Variants in ERC1 observed in about 807,000 individuals in gnomAD.
The protein encoded by ERC1 is RAB6 interacting protein 2.
In ERC1, 56 loss-of-function variants were observed where a neutral mutation model predicts 132.0. That is an observed-to-expected ratio of 0.42 (90% CI 0.34 to 0.53). ERC1 has a LOEUF of 0.53. ERC1 is among the 20% of genes least tolerant of loss of function. ERC1 has a pLI of 0.03. For missense variants in ERC1, 1,202 were observed against 1,349.9 expected (o/e 0.89, Z 1.72); for synonymous variants, 478 against 476.1 (o/e 1.00, Z -0.05).
In ERC1 at chr12:1,492,337, T is replaced by C. The variant is rs1025266751; in HGVS notation, c.*2107T>C. The C allele has an allele frequency of 4.7e-5, 11 of 233,082 alleles. No individual in the cohort carries two copies. The highest frequency in any genetic ancestry group is 8.5e-5 in the Non-Finnish European group (10 of 118,014). 14.4% of individuals were successfully genotyped at this position (233,082 alleles called of 1,614,324 possible). A position where few individuals can be genotyped will look rare whatever the true frequency, so the allele number is the denominator to read the frequency against. ...TCCCAGCACTGAAAGGCAGGAGTGT[T>C]AGCATCTCGCTTTATCCACCATAAC... On this transcript the variant is annotated 3_prime_UTR_variant, in exon 19 of 19. Coordinates refer to ENST00000360905, the MANE Select transcript of ERC1 (RefSeq NM_178040.4).
At chr12:1,162,487 G>GTT (rs60402999) in intron 8 of ERC1, among the ~76,000 whole-genome samples, 22 of 142,036 alleles carry the variant, frequency 1.5e-4, no homozygotes, top group East Asian at 1.0e-3. Context: ...TCCTAGGTTT[G>GTT]TTTTTTTTTT....
At chr12:1,461,063 G>A (rs561504401) in intron 18 of ERC1, among the ~76,000 whole-genome samples, 1 of 139,578 alleles carries the variant, frequency 7.2e-6, no homozygotes, top group South Asian at 2.3e-4. Context: ...ATAGGGAACA[G>A]CTGTCTGACT....
chr12:1,204,343 T>C (rs1957169414), intron 12 of ERC1, among the ~76,000 whole-genome samples: 1 of 152,010 alleles, frequency 6.6e-6, no homozygotes. Context: ...AAATCTGAAA[T>C]AATTCTTTTT....
intron 1 of ERC1, among the ~76,000 whole-genome samples, chr12:992,230 T>A (rs1270847801): frequency 6.6e-6 from 1 of 152,138 alleles, no homozygotes; most frequent in African/African-American, 2.4e-5. Flanking sequence ...TCCTGGCCCC[T>A]TGAGAGAAGG....
intron 1 of ERC1, among the ~76,000 whole-genome samples, chr12:999,142 G>A (rs1961613277): frequency 6.6e-6 from 1 of 152,174 alleles, no homozygotes. Context: ...TTATAGGCGT[G>A]AGCCACCGTG....
At chr12:1,295,913 A>T (rs1479676440) in intron 15 of ERC1, among the ~76,000 whole-genome samples, 1 of 151,946 alleles carries the variant, frequency 6.6e-6, no homozygotes, top group Non-Finnish European at 1.5e-5. Context: ...TGAACTTTTA[A>T]TTACCAGACA....
intron 12 of ERC1, among the ~76,000 whole-genome samples, chr12:1,203,349 C>T (rs1007929192): frequency 1.3e-5 from 2 of 152,186 alleles, no homozygotes; most frequent in Admixed American, 6.5e-5. Flanking sequence ...TGAGCCACTG[C>T]GCCTGCCCGG....
At chr12:1,288,016 C>CA (rs1236761586) in intron 14 of ERC1, among the ~76,000 whole-genome samples, 3 of 152,052 alleles carry the variant, frequency 2.0e-5, no homozygotes, top group East Asian at 1.9e-4. Context: ...CCAGAATAGC[C>CA]AAAAACATCT....
rs117827884 is a variant in ERC1 at position 1,328,139 on chromosome 12, G to C, written c.2780+38127G>C. 3.3e-5 allele frequency among the ~76,000 whole-genome samples: 5 copies of C among 151,968 alleles called. 1 individual carries two copies. The East Asian group carries it at 9.7e-4, about 29-fold the overall frequency. ...CAGGTTAATACTTGGTTGTTTGTTT[G>C]TGTTTGTTTGTTTGTTTTTCCTTTG... On this transcript the variant is annotated intron_variant, in intron 15 of 18. Transcript: ENST00000360905.
rs917507190 is a variant in ERC1 at position 1,154,713 on chromosome 12, G to GA, written c.1737+12935dup. On this transcript the variant is annotated intron_variant, in intron 8 of 18. Transcript: ENST00000360905. ...GTCTACAAGGAACTTAAATCAACAAGAAAAAAAAATAATCCCATAAAAAAT... is the reference window on the plus strand; with the variant it reads ...GTCTACAAGGAACTTAAATCAACAAGAAAAAAAAAATAATCCCATAAAAAAT... 1.5e-4 allele frequency among the ~76,000 whole-genome samples: 22 copies of GA among 148,394 alleles called. No homozygotes were observed. In the South Asian group the frequency reaches 2.3e-3, roughly 16 times the overall value.
chr12:1,126,986 CAAAAAAAAAAAA>C (rs71055135), intron 7 of ERC1, among the ~76,000 whole-genome samples: 1,313 of 114,146 alleles, frequency 0.012, 33 homozygotes, highest in Admixed American at 0.017. Context: ...GATTCTGTCT[CAAAAAAAAAAAA>C]AAAAAAAAAA....
intron 17 of ERC1, among the ~76,000 whole-genome samples, chr12:1,419,734 A>T (rs2092346576): frequency 6.6e-6 from 1 of 152,090 alleles, no homozygotes; most frequent in South Asian, 2.1e-4. Context: ...GTTGCACAAC[A>T]GTGTGAAAGT....
At chr12:1,376,865 G>A (rs969764702) in intron 16 of ERC1, among the ~76,000 whole-genome samples, 12 of 152,110 alleles carry the variant, frequency 7.9e-5, no homozygotes, top group Non-Finnish European at 1.6e-4. Context: ...AAAAAGAAAC[G>A]GTGCGATTTG....
intron 18 of ERC1, among the ~76,000 whole-genome samples, chr12:1,486,412 TTTTAC>T (rs1245151692): frequency 6.1e-4 from 27 of 44,482 alleles, no homozygotes; most frequent in African/African-American, 1.1e-3. Flanking sequence ...GTGAAGCACT[TTTTAC>T]TTTATTTTAT....
At chr12:1,038,248 G>A (rs1012446751) in intron 2 of ERC1, among the ~76,000 whole-genome samples, 1 of 151,926 alleles carries the variant, frequency 6.6e-6, no homozygotes, top group South Asian at 2.1e-4. Context: ...AAACATTTAG[G>A]GAGTTTACCC....
chr12:1,102,533 G>A (rs1944784836), intron 3 of ERC1, among the ~76,000 whole-genome samples: 1 of 152,020 alleles, frequency 6.6e-6, no homozygotes, highest in African/African-American at 2.4e-5. Flanking sequence ...GAGTAGGAAG[G>A]GACTAAAATA....
chr12:1,224,486 T>C lies in ERC1; in HGVS notation c.2352-12283T>C, dbSNP rs1243433580. Among the ~76,000 whole-genome samples, 3 of 151,712 alleles carry C rather than the reference T, an allele frequency of 2.0e-5. No individual in the cohort carries two copies. In the East Asian group the frequency reaches 5.8e-4, roughly 29 times the overall value. On this transcript the variant is annotated intron_variant, in intron 12 of 18. Transcript: ENST00000360905. ...ATGAAAAGAAAATGGATTAAGAAAA[T>C]CAAAGACCAAAAACTTAAAAGAATC...
chr12:1,000,120 C>T (rs1961907009), intron 1 of ERC1, among the ~76,000 whole-genome samples: 1 of 152,142 alleles, frequency 6.6e-6, no homozygotes, highest in Middle Eastern at 3.4e-3. Flanking sequence ...TGTGACAGCC[C>T]TTTTGTATAT....
intron 1 of ERC1, among the ~76,000 whole-genome samples, chr12:1,009,627 T>A (rs1408693288): frequency 6.6e-6 from 1 of 152,194 alleles, no homozygotes; most frequent in Non-Finnish European, 1.5e-5. Flanking sequence ...TCTTTACTTT[T>A]AAGTTGCCAT....
Sources: gnomAD v4.1 joint callset for allele counts (sites outside exome capture counted in the v4.1 genomes callset) on GRCh38, gnomAD v4.1.1 for gene constraint, MANE v1.5 for transcripts, NCBI Gene and HGNC (gene_info 2026-07-23, HGNC 2026-07-21) for gene names.